ASTN2: variants seen among roughly 807,000 people sequenced by gnomAD.
ASTN2 encodes astrotactin-2.
ASTN2 carries 54 observed loss-of-function variants against 139.8 expected under a neutral mutation model. The observed-to-expected ratio is 0.39, with a 90% CI of 0.31 to 0.48. The LOEUF (loss-of-function observed/expected upper bound fraction) is 0.48, where lower values mean the gene tolerates loss of function less well. Ranked by LOEUF, ASTN2 falls within the 20% of genes least tolerant of loss-of-function variation. ASTN2 has a pLI of 0.95. For missense variants in ASTN2, 1,565 were observed against 1,725.1 expected (o/e 0.91, Z 1.64); for synonymous variants, 756 against 719.5 (o/e 1.05, Z -0.81).
At chr9:116,896,672 G>C (rs1373533813) in intron 10 of ASTN2, among the ~76,000 whole-genome samples, 1 of 152,172 alleles carries the variant, frequency 6.6e-6, no homozygotes, top group Non-Finnish European at 1.5e-5. Context: ...GTTCCACATG[G>C]CTGGGGAGGT....
intron 16 of ASTN2, chr9:116,686,678 G>C (rs1487204626): frequency 6.5e-7 from 1 of 1,549,468 alleles, no homozygotes; most frequent in Non-Finnish European, 8.7e-7. Flanking sequence ...AACTACACTT[G>C]GTTTGGGTTC....
intron 1 of ASTN2, among the ~76,000 whole-genome samples, chr9:117,355,589 G>T (rs574615965): frequency 6.6e-6 from 1 of 152,174 alleles, no homozygotes; most frequent in East Asian, 1.9e-4. Context: ...AGGCTGAGGG[G>T]CTGCCAGGAC....
At chr9:116,895,082 C>T (rs1449146763) in intron 10 of ASTN2, among the ~76,000 whole-genome samples, 3 of 152,168 alleles carry the variant, frequency 2.0e-5, no homozygotes, top group Non-Finnish European at 4.4e-5. Context: ...CATCCCTAAT[C>T]CAATAATCTG....
At position 116,760,935 on chromosome 9, in the gene ASTN2, G is replaced by A. The variant is rs192472395; in HGVS notation, c.2397-27412C>T. Among the ~76,000 whole-genome samples, 13 of 152,318 alleles carry A rather than the reference G, an allele frequency of 8.5e-5. 1 individual carries two copies. The South Asian group carries it at 2.3e-3, about 27-fold the overall frequency. On this transcript the variant is annotated intron_variant, in intron 13 of 22. Coordinates refer to ENST00000313400, the MANE Select transcript of ASTN2 (RefSeq NM_001365068.1). The stretch of plus-strand genomic sequence containing the variant: ...GGGTTGGGGGAGGAGGGGAGGACGC[G>A]GAGGTGGGGAAACGCAGCTTCTCTG...
intron 5 of ASTN2, among the ~76,000 whole-genome samples, chr9:117,040,192 T>G (rs966944468): frequency 6.6e-6 from 1 of 152,220 alleles, no homozygotes; most frequent in African/African-American, 2.4e-5. Flanking sequence ...TTCCTTTGGG[T>G]AAGCATAAAA....
chr9:117,222,833 T>C (rs1463343640), intron 2 of ASTN2, among the ~76,000 whole-genome samples: 1 of 152,118 alleles, frequency 6.6e-6, no homozygotes, highest in Non-Finnish European at 1.5e-5. Context: ...GTTGATGCTC[T>C]TTACTTAGCT....
At chr9:117,366,353 T>C (rs1829843024) in intron 1 of ASTN2, among the ~76,000 whole-genome samples, 1 of 152,118 alleles carries the variant, frequency 6.6e-6, no homozygotes, top group South Asian at 2.1e-4. Flanking sequence ...TTTACCTCTA[T>C]TCTCTCCTTT....
intron 19 of ASTN2, chr9:116,543,628 AT>A (rs1434667989): frequency 6.6e-6 from 1 of 152,062 alleles, no homozygotes; most frequent in Non-Finnish European, 1.5e-5. Context: ...TCAAATTATA[AT>A]CCCTTAAGAT....
rs543875493 is a variant in ASTN2, at chr9:116,845,448, A to G, written c.2040+18135T>C. Among the ~76,000 whole-genome samples, 10 of 152,310 alleles carry G rather than the reference A, an allele frequency of 6.6e-5. No homozygotes were observed. In the South Asian group the frequency reaches 1.9e-3, roughly 28 times the overall value. On this transcript the variant is annotated intron_variant, in intron 11 of 22. Transcript: ENST00000313400. ...TGTGAGAGTTCCCGACTTCAGGAAG[A>G]ATCTAGACCAATGGTAGAGATCAGG...
intron 10 of ASTN2, among the ~76,000 whole-genome samples, chr9:116,961,886 A>G (rs1243088933): frequency 6.6e-6 from 1 of 152,246 alleles, no homozygotes; most frequent in Non-Finnish European, 1.5e-5. Context: ...ACGGTAGCCA[A>G]TCTATTTACG....
chr9:117,115,359 G>T (rs1344540586), intron 4 of ASTN2, among the ~76,000 whole-genome samples: 1 of 151,750 alleles, frequency 6.6e-6, no homozygotes, highest in Non-Finnish European at 1.5e-5. Context: ...TCTACTAAAA[G>T]TACAAAAGTT....
intron 3 of ASTN2, among the ~76,000 whole-genome samples, chr9:117,160,023 CAAG>C (rs916264054): frequency 6.6e-6 from 1 of 151,988 alleles, no homozygotes; most frequent in Non-Finnish European, 1.5e-5. Context: ...ATGAAAGTCA[CAAG>C]AAGGATACTC....
chr9:117,157,136 G>A (rs1220922758), intron 3 of ASTN2, among the ~76,000 whole-genome samples: 2 of 152,000 alleles, frequency 1.3e-5, no homozygotes, highest in Non-Finnish European at 2.9e-5. Flanking sequence ...CCACTGGTTT[G>A]TAATAAGTTA....
In ASTN2 at chr9:116,595,244, C is replaced by A. The variant is rs549794386; in HGVS notation, c.3355+23080G>T. Among the ~76,000 whole-genome samples the A allele has an allele frequency of 4.6e-5, 7 of 152,332 alleles. No individual in the cohort carries two copies. In the East Asian group the frequency reaches 1.3e-3, roughly 29 times the overall value. ...ACTATCTTCTCTTTCCCTTTAATAG[C>A]TTTACACTTCCCACAATGCTTACAA... On this transcript the variant is annotated intron_variant, in intron 19 of 22. Transcript: ENST00000313400.
intron 1 of ASTN2, among the ~76,000 whole-genome samples, chr9:117,363,307 C>T (rs1829744463): frequency 6.6e-6 from 1 of 152,158 alleles, no homozygotes; most frequent in South Asian, 2.1e-4. Context: ...GAAGGCTTTA[C>T]AGAAAGAGAA....
intron 20 of ASTN2, among the ~76,000 whole-genome samples, chr9:116,473,104 A>C (rs1848868494): frequency 6.6e-6 from 1 of 152,132 alleles, no homozygotes; most frequent in Non-Finnish European, 1.5e-5. Flanking sequence ...ACTTTGCATA[A>C]TGAATGGCAT....
chr9:117,180,715 G>A lies in ASTN2; in HGVS notation c.1015+33643C>T, dbSNP rs981999471. The A allele has an allele frequency of 3.8e-6, 6 of 1,593,890 alleles. No individual in the cohort carries two copies. In the Admixed American group the frequency reaches 6.7e-5, roughly 18 times the overall value. On this transcript the variant is annotated intron_variant, in intron 3 of 22. Coordinates refer to ENST00000313400, the MANE Select transcript of ASTN2 (RefSeq NM_001365068.1). Reference sequence around the variant, plus strand: ...CAGTGGAAGCCCTCATGAGTGCAGGGCCCGCCACTTGTCCAGAGGGCCACG... The same window carrying A: ...CAGTGGAAGCCCTCATGAGTGCAGGACCCGCCACTTGTCCAGAGGGCCACG...
chr9:117,016,801 TATATATATG>T (rs1320601065), intron 6 of ASTN2, among the ~76,000 whole-genome samples: 151 of 115,130 alleles, frequency 1.3e-3, no homozygotes, highest in Middle Eastern at 8.6e-3. Context: ...ATATATAGGT[TATATATATG>T]TTTTATATAT....
chr9:116,936,218 C>A (rs1420086060), intron 10 of ASTN2, among the ~76,000 whole-genome samples: 6 of 135,872 alleles, frequency 4.4e-5, no homozygotes, highest in African/African-American at 1.6e-4. Context: ...ATCACCACCA[C>A]CACCACTACC....
Sources: gnomAD v4.1 joint callset for allele counts (sites outside exome capture counted in the v4.1 genomes callset) on GRCh38, gnomAD v4.1.1 for gene constraint, MANE v1.5 for transcripts, NCBI Gene and HGNC (gene_info 2026-07-23, HGNC 2026-07-21) for gene names.